GPR6: variants seen among roughly 807,000 people sequenced by gnomAD.
GPR6 encodes the protein sphingosine 1-phosphate receptor GPR6.
In GPR6, 14 loss-of-function variants were observed where a neutral mutation model predicts 18.5. The observed-to-expected ratio is 0.76, with a 90% CI of 0.50 to 1.18. The LOEUF (loss-of-function observed/expected upper bound fraction) is 1.18. Ranked by LOEUF, GPR6 falls within the 50% of genes most tolerant of loss-of-function variation. GPR6 has a pLI of 0.00. For missense variants in GPR6, 477 were observed against 495.9 expected (o/e 0.96, Z 0.36); for synonymous variants, 299 against 240.9 (o/e 1.24, Z -2.23).
Position 109,979,214 on chromosome 6 carries a change from C to T in GPR6, c.102C>T (p.Gly34=), listed in dbSNP as rs1212592761. The change falls in exon 2 of 2, where the codon GGC becomes GGT. Residue 34 remains glycine (G), a synonymous_variant. Transcript: ENST00000275169. Reference sequence around the variant, plus strand: ...CAGCAGCAGGGGGGCCGGACACGGGCGAATGGGGACCCCCTGCTGCGGCGG... The same window carrying T: ...CAGCAGCAGGGGGGCCGGACACGGGTGAATGGGGACCCCCTGCTGCGGCGG... ...AATAAGGPDT[G]EWGPPAAAAL... The T allele has an allele frequency of 6.2e-6, 10 of 1,601,656 alleles. No individual in the cohort carries two copies. Among genetic ancestry groups the T allele is most frequent in the African/African-American group, 4.0e-5 (3 of 74,376 alleles).
rs751607510 is a variant in GPR6 at position 109,979,181 on chromosome 6, G to T, written c.69G>T (p.Ala23=). 4 of 1,595,172 alleles carry T rather than the reference G, an allele frequency of 2.5e-6. No individual in the cohort carries two copies. The highest frequency in any genetic ancestry group is 3.4e-6 in the Non-Finnish European group (4 of 1,176,814). ...TAGTGGCGGCCGAAGGAGCGGCGGC[G>T]GCGGCCACAGCAGCAGGGGGGCCGG... is the stretch of plus-strand genomic sequence containing the variant. ...VVVVAAEGAA[A]AATAAGGPDT... Residue 23 remains alanine, a synonymous_variant, in exon 2 of 2, where the codon GCG becomes GCT. Transcript: ENST00000275169.
intron 1 of GPR6, 45 bp downstream of exon 1, chr6:109,978,512 GAGGGGAGAAAGATATCC>G: frequency 2.0e-6 from 1 of 489,112 alleles, no homozygotes; most frequent in East Asian, 3.1e-5. Context: ...GTGGGGAGAG[GAGGGGAGAAAGATATCC>G]AGGGGACAGG....
rs764141700 is a variant in GPR6 at position 109,979,169 on chromosome 6, A to T, written c.57A>T (p.Glu19Asp). The T allele has an allele frequency of 6.9e-6, 11 of 1,596,636 alleles. No homozygotes were observed. In the South Asian group the frequency reaches 1.1e-4, roughly 16 times the overall value. The change falls in exon 2 of 2, where the codon GAA becomes GAT. Residue 19 changes from glutamate to aspartate, a missense_variant. Physicochemically the swap from Glu to Asp is conservative, Grantham distance 45 (BLOSUM62 2). Coordinates refer to ENST00000275169, the MANE Select transcript of GPR6 (RefSeq NM_005284.5). ...CCCAGGTGGTGGTAGTGGCGGCCGA[A>T]GGAGCGGCGGCGGCGGCCACAGCAG... ...NDSQVVVVAA[E>D]GAAAAATAAG... is the part of the protein sequence containing the mutation.
At position 109,979,636 on chromosome 6, in the gene GPR6, C is replaced by T. The variant is rs757032472; in HGVS notation, c.524C>T (p.Thr175Ile). 1.2e-6 allele frequency: 2 copies of T among 1,612,550 alleles called. No homozygotes were observed. The highest frequency in any genetic ancestry group is 1.3e-5 in the African/African-American group (1 of 75,068). Residue 175 changes from threonine to isoleucine, a missense_variant, in exon 2 of 2, where the codon ACC (threonine) becomes ATC (isoleucine). Thr to Ile is a moderately conservative substitution (Grantham distance 89). Coordinates refer to ENST00000275169, the MANE Select transcript of GPR6 (RefSeq NM_005284.5). ...DRYLSLYNAL[T>I]YYSRRTLLGV... ...TACCTGTCCCTGTATAACGCGCTCA[C>T]CTATTACTCGCGCCGGACCCTGTTG...
In GPR6 at chr6:109,980,325, G is replaced by A. The variant is rs953316110; in HGVS notation, c.*124G>A. 8.0e-6 allele frequency: 11 copies of A among 1,377,026 alleles called. No homozygotes were observed. Among genetic ancestry groups the A allele is most frequent in the Non-Finnish European group, 1.1e-5 (11 of 993,084 alleles). 85.3% of individuals were successfully genotyped at this position (1,377,026 alleles called of 1,614,324 possible). On this transcript the variant is annotated 3_prime_UTR_variant, in exon 2 of 2. Transcript: ENST00000275169. ...GAGTCTGACTTTGGAAAGAAAAAGG[G>A]ACTAAAGAGAAATGTAACAAACTTA... is the stretch of plus-strand genomic sequence containing the variant.
At position 109,979,250 on chromosome 6, in the gene GPR6, C is replaced by G. The variant is rs752907666; in HGVS notation, c.138C>G (p.Ala46=). Residue 46 remains alanine, a synonymous_variant, in exon 2 of 2, where the codon GCC becomes GCG. Transcript: ENST00000275169. ...CCCCTGCTGCGGCGGCTCTAGGAGCCGGCGGCGGAGCTAATGGGTCTCTGG... is the reference window on the plus strand; with the variant it reads ...CCCCTGCTGCGGCGGCTCTAGGAGCGGGCGGCGGAGCTAATGGGTCTCTGG... ...WGPPAAAALG[A]GGGANGSLEL... is the part of the protein sequence containing the mutation. 2 of 1,611,236 alleles carry G rather than the reference C, an allele frequency of 1.2e-6. No homozygotes were observed. The highest frequency in any genetic ancestry group is 1.7e-6 in the Non-Finnish European group (2 of 1,179,598).
chr6:109,979,624 A>G lies in GPR6; in HGVS notation c.512A>G (p.Tyr171Cys). 6.8e-6 allele frequency: 11 copies of G among 1,612,672 alleles called. No individual in the cohort carries two copies. Among genetic ancestry groups the G allele is most frequent in the East Asian group, 2.2e-5 (1 of 44,854 alleles). Residue 171 changes from tyrosine to cysteine, a missense_variant, in exon 2 of 2, where the codon TAT (tyrosine) becomes TGT (cysteine). Coordinates refer to ENST00000275169, the MANE Select transcript of GPR6 (RefSeq NM_005284.5). ...AITVDRYLSL[Y>C]NALTYYSRRT... ...ACGGTGGACCGCTACCTGTCCCTGT[A>G]TAACGCGCTCACCTATTACTCGCGC... is the stretch of plus-strand genomic sequence containing the variant.
Position 109,980,523 on chromosome 6 carries a change from G to A in GPR6, c.*322G>A, listed in dbSNP as rs539209439. The A allele has an allele frequency of 8.4e-6, 3 of 356,796 alleles. No individual in the cohort carries two copies. The highest frequency in any genetic ancestry group is 1.6e-5 in the Non-Finnish European group (3 of 189,010). 22.1% of individuals were successfully genotyped at this position (356,796 alleles called of 1,614,324 possible). A position where few individuals can be genotyped will look rare whatever the true frequency, so the allele number is the denominator to read the frequency against. Reference sequence around the variant, plus strand: ...AAATTGTACATCACGTTTGTCAAACGAAGACATTCCAATACTGCTTAATTA... The same window carrying A: ...AAATTGTACATCACGTTTGTCAAACAAAGACATTCCAATACTGCTTAATTA... On this transcript the variant is annotated 3_prime_UTR_variant, in exon 2 of 2. Coordinates refer to ENST00000275169, the MANE Select transcript of GPR6 (RefSeq NM_005284.5).
Position 109,979,166 on chromosome 6 carries a change from C to T in GPR6, c.54C>T (p.Ala18=), listed in dbSNP as rs1456387603. 3 of 1,596,750 alleles carry T rather than the reference C, an allele frequency of 1.9e-6. No individual in the cohort carries two copies. Among genetic ancestry groups the T allele is most frequent in the African/African-American group, 2.7e-5 (2 of 74,106 alleles). The change falls in exon 2 of 2, where the codon GCC becomes GCT. Residue 18 remains alanine, a synonymous_variant. Transcript: ENST00000275169. The part of the protein sequence containing the change: ...LNDSQVVVVA[A]EGAAAAATAA... ...ACTCCCAGGTGGTGGTAGTGGCGGC[C>T]GAAGGAGCGGCGGCGGCGGCCACAG...
Position 109,979,309 on chromosome 6 carries a change from G to C in GPR6, c.197G>C (p.Gly66Ala), listed in dbSNP as rs974178659. 1 of 1,613,530 alleles carries C rather than the reference G, an allele frequency of 6.2e-7. No homozygotes were observed. The highest frequency in any genetic ancestry group is 8.5e-7 in the Non-Finnish European group (1 of 1,179,888). Residue 66 changes from glycine (G) to alanine (A), a missense_variant, in exon 2 of 2, where the codon GGA (glycine) becomes GCA (alanine). Transcript: ENST00000275169. ...TCGCAGCTGTCGGCTGGGCCACCGG[G>C]ACTCCTGCTGCCAGCGGTGAATCCG... is the stretch of plus-strand genomic sequence containing the variant. The part of the protein sequence containing the change: ...LSSQLSAGPP[G>A]LLLPAVNPWD...
Position 109,978,460 on chromosome 6 carries a change from C to T in GPR6, c.-26C>T. ...GACCAGCGACTTCCAGAAGTCCTGA[C>T]GCCCCAGGTGAGTGGCCGAGTTCCC... On this transcript the variant is annotated 5_prime_UTR_variant, in exon 1 of 2. The change creates a new upstream start codon in the 5' untranslated region. Coordinates refer to ENST00000275169, the MANE Select transcript of GPR6 (RefSeq NM_005284.5). The T allele has an allele frequency of 3.0e-6, 1 of 330,418 alleles. No homozygotes were observed. The highest frequency in any genetic ancestry group is 5.5e-6 in the Non-Finnish European group (1 of 180,878). The allele number at this position is 330,418 out of a possible 1,614,324, so 20.5% of individuals were successfully genotyped here.
At chr6:109,978,724 C>A (rs975398763) in intron 1 of GPR6, 4 of 1,535,138 alleles carry the variant, frequency 2.6e-6, no homozygotes, top group Non-Finnish European at 1.7e-6. Flanking sequence ...CTGCCCAGCC[C>A]CATGGGGATG....
chr6:109,978,512 G>A (rs1192903088), intron 1 of GPR6, 45 bp downstream of exon 1: 12 of 488,994 alleles, frequency 2.5e-5, no homozygotes, highest in East Asian at 9.3e-5. Flanking sequence ...GTGGGGAGAG[G>A]AGGGGAGAAA....
intron 1 of GPR6, 26 bp downstream of exon 1, chr6:109,978,493 T>G (rs976053231): frequency 2.4e-6 from 1 of 424,812 alleles, no homozygotes; most frequent in African/African-American, 2.0e-5. Context: ...CCCAGGGAAC[T>G]TTGAGGATGT....
chr6:109,979,364 A>T lies in GPR6; in HGVS notation c.252A>T (p.Thr84=). The T allele has an allele frequency of 6.2e-7, 1 of 1,613,784 alleles. No homozygotes were observed. Among genetic ancestry groups the T allele is most frequent in the Non-Finnish European group, 8.5e-7 (1 of 1,179,968 alleles). Residue 84 remains threonine (T), a synonymous_variant, in exon 2 of 2, where the codon ACA becomes ACT. Coordinates refer to ENST00000275169, the MANE Select transcript of GPR6 (RefSeq NM_005284.5). The part of the protein sequence containing the change: ...PWDVLLCVSG[T]VIAGENALVV... ...ACGTGCTCCTGTGCGTGTCGGGGAC[A>T]GTGATCGCTGGAGAAAACGCGCTGG...
In GPR6 at chr6:109,979,422, C is replaced by T; in HGVS notation, c.310C>T (p.Arg104Cys). Residue 104 changes from arginine to cysteine, a missense_variant, in exon 2 of 2, where the codon CGC (arginine) becomes TGC (cysteine). Coordinates refer to ENST00000275169, the MANE Select transcript of GPR6 (RefSeq NM_005284.5). ...GCTCATCGCGTCCACTCCGGCGCTG[C>T]GCACGCCCATGTTCGTGCTGGTAGG... is the stretch of plus-strand genomic sequence containing the variant. ...VALIASTPAL[R>C]TPMFVLVGSL... 1 of 1,613,322 alleles carries T rather than the reference C, an allele frequency of 6.2e-7. No individual in the cohort carries two copies. The highest frequency in any genetic ancestry group is 8.5e-7 in the Non-Finnish European group (1 of 1,180,000).
At position 109,980,010 on chromosome 6, in the gene GPR6, G is replaced by A. The variant is rs1452746467; in HGVS notation, c.898G>A (p.Val300Met). The A allele has an allele frequency of 9.3e-6, 15 of 1,613,346 alleles. No individual in the cohort carries two copies. The highest frequency in any genetic ancestry group is 2.7e-5 in the African/African-American group (2 of 74,928). The change falls in exon 2 of 2, where the codon GTG becomes ATG. Residue 300 changes from valine (V) to methionine (M), a missense_variant. Coordinates refer to ENST00000275169, the MANE Select transcript of GPR6 (RefSeq NM_005284.5). ...CTGGCTGCCCTTCGCCATCTATTGC[G>A]TGGTGGGCAGCCATGAGGACCCGGC... ...ASWLPFAIYC[V>M]VGSHEDPAVY...
At position 109,980,179 on chromosome 6, in the gene GPR6, C is replaced by A. The variant is rs1160295375; in HGVS notation, c.1067C>A (p.Ser356Tyr). The A allele has an allele frequency of 6.2e-7, 1 of 1,614,244 alleles. No homozygotes were observed. Among genetic ancestry groups the A allele is most frequent in the Admixed American group, 1.7e-5 (1 of 60,034 alleles). ...GCFQSKVPFRSRSPSEV is the reference protein window; with the variant it reads ...GCFQSKVPFRYRSPSEV Reference sequence around the variant, plus strand: ...TTCCAGTCCAAAGTGCCCTTTCGTTCCAGGTCTCCCAGCGAGGTCTGAAGG... The same window carrying A: ...TTCCAGTCCAAAGTGCCCTTTCGTTACAGGTCTCCCAGCGAGGTCTGAAGG... The change falls in exon 2 of 2, where the codon TCC (serine) becomes TAC (tyrosine). Residue 356 changes from serine (S) to tyrosine (Y), a missense_variant. By Grantham distance (144) the Ser-to-Tyr change is moderately radical (BLOSUM62 -2). Transcript: ENST00000275169.
intron 1 of GPR6, 62 bp from the exon 2 acceptor site, chr6:109,979,033 G>T (rs1771007515): frequency 6.5e-7 from 1 of 1,536,846 alleles, no homozygotes; most frequent in East Asian, 2.3e-5. Context: ...GGCTCTACGC[G>T]TGGGGAAGTT....
Sources: allele counts gnomAD v4.1 joint callset, GRCh38; gene constraint gnomAD v4.1.1; transcripts MANE v1.5; gene names NCBI Gene and HGNC (gene_info 2026-07-23, HGNC 2026-07-21).